The following RBFOX1 variants were observed in gnomAD, a reference collection of about 807,000 sequenced individuals.
The protein encoded by RBFOX1 is RNA binding fox-1 homolog 1.
In RBFOX1, 8 loss-of-function variants were observed where a neutral mutation model predicts 57.7. The observed-to-expected ratio is 0.14, with a 90% CI of 0.08 to 0.25. The LOEUF (loss-of-function observed/expected upper bound fraction) is 0.25. RBFOX1 is among the 10% of genes least tolerant of loss of function. The pLI is 1.00. For synonymous variants in RBFOX1, 326 were observed against 222.4 expected (o/e 1.47, Z -4.15); for missense variants, 611 against 548.5 (o/e 1.11, Z -1.14).
intron 3 of RBFOX1, among the ~76,000 whole-genome samples, chr16:6,924,109 C>T (rs566832797): frequency 6.6e-6 from 1 of 151,950 alleles, no homozygotes; most frequent in South Asian, 2.1e-4. Flanking sequence ...GTGGAGGTTG[C>T]AGTGAGCTGA....
At chr16:6,000,274 C>G (rs1203813445) in intron 4 of RBFOX1, among the ~76,000 whole-genome samples, 1 of 152,160 alleles carries the variant, frequency 6.6e-6, no homozygotes, top group African/African-American at 2.4e-5. Flanking sequence ...CCGTAGACTT[C>G]CTGAGTCTGG....
At chr16:7,641,473 C>G (rs2062780322) in intron 11 of RBFOX1, among the ~76,000 whole-genome samples, 2 of 152,154 alleles carry the variant, frequency 1.3e-5, no homozygotes, top group Admixed American at 1.3e-4. Flanking sequence ...GTTTCAGAAC[C>G]AAACACCACA....
intron 1 of RBFOX1, among the ~76,000 whole-genome samples, chr16:5,458,150 T>C (rs546804186): frequency 6.6e-6 from 1 of 152,358 alleles, no homozygotes; most frequent in South Asian, 2.1e-4. Context: ...ATTAAGTGAA[T>C]TAAATATTAA....
At chr16:6,146,482 G>C (rs1597772669) in intron 1 of RBFOX1, among the ~76,000 whole-genome samples, 1 of 152,036 alleles carries the variant, frequency 6.6e-6, no homozygotes, top group African/African-American at 2.4e-5. Context: ...GTAGATGCTG[G>C]TAAAACCCCC....
intron 1 of RBFOX1, among the ~76,000 whole-genome samples, chr16:5,400,738 T>G (rs2066692586): frequency 6.6e-6 from 1 of 152,158 alleles, no homozygotes; most frequent in Admixed American, 6.5e-5. Context: ...TTAAATTGCT[T>G]TTAAGGAAGA....
At chr16:5,875,780 C>T (rs1212943021) in intron 4 of RBFOX1, among the ~76,000 whole-genome samples, 1 of 151,726 alleles carries the variant, frequency 6.6e-6, no homozygotes, top group Non-Finnish European at 1.5e-5. Flanking sequence ...AATTTCTCTA[C>T]TTCTTTATTT....
At chr16:6,123,966 A>G (rs2096570106) in intron 1 of RBFOX1, among the ~76,000 whole-genome samples, 3 of 152,118 alleles carry the variant, frequency 2.0e-5, no homozygotes, top group South Asian at 2.1e-4. Flanking sequence ...ACAAGGAGAA[A>G]AGCATATACC....
At chr16:7,186,826 G>A (rs1056066532) in intron 4 of RBFOX1, among the ~76,000 whole-genome samples, 8 of 150,904 alleles carry the variant, frequency 5.3e-5, no homozygotes, top group African/African-American at 1.9e-4. Context: ...AATGTATTCA[G>A]TGTTTTGAAC....
intron 2 of RBFOX1, among the ~76,000 whole-genome samples, chr16:5,496,018 C>T (rs982608446): frequency 3.9e-5 from 6 of 152,050 alleles, no homozygotes; most frequent in African/African-American, 1.2e-4. Context: ...CCCAGCTACT[C>T]GGGAGGCTGA....
At chr16:7,219,684 C>T (rs1456219679) in intron 4 of RBFOX1, among the ~76,000 whole-genome samples, 2 of 152,126 alleles carry the variant, frequency 1.3e-5, no homozygotes, top group Non-Finnish European at 2.9e-5. Flanking sequence ...CGTATAGATC[C>T]CTGCTCTGAG....
At chr16:7,182,693 C>A (rs936725835) in intron 4 of RBFOX1, among the ~76,000 whole-genome samples, 6 of 151,426 alleles carry the variant, frequency 4.0e-5, no homozygotes, top group African/African-American at 1.5e-4. Flanking sequence ...GAAGCAAAGA[C>A]CAGGAAAGGG....
chr16:7,456,331 T>A (rs536583476), intron 4 of RBFOX1, among the ~76,000 whole-genome samples: 1 of 152,216 alleles, frequency 6.6e-6, no homozygotes, highest in Admixed American at 6.5e-5. Context: ...GGATTCTCAT[T>A]GTGAAGTGAA....
intron 15 of RBFOX1, chr16:7,709,431 C>A: frequency 7.5e-7 from 1 of 1,328,568 alleles, no homozygotes; most frequent in Non-Finnish European, 9.9e-7. Context: ...TAACAGAATG[C>A]AGTGTCAATG....
At chr16:6,831,351 C>G (rs113522847) in intron 3 of RBFOX1, among the ~76,000 whole-genome samples, 1 of 152,058 alleles carries the variant, frequency 6.6e-6, no homozygotes, top group Admixed American at 6.5e-5. Flanking sequence ...TTAGATGATA[C>G]GTATTTTCTA....
intron 3 of RBFOX1, among the ~76,000 whole-genome samples, chr16:6,783,885 C>T (rs12446504): frequency 0.27 from 41,412 of 151,958 alleles, 7,148 homozygotes; most frequent in Non-Finnish European, 0.39. Flanking sequence ...TACTTCTCCA[C>T]GTTTGAAGCA....
At chr16:7,419,848 T>A (rs1183552544) in intron 4 of RBFOX1, among the ~76,000 whole-genome samples, 2 of 152,142 alleles carry the variant, frequency 1.3e-5, no homozygotes, top group Non-Finnish European at 2.9e-5. Context: ...TCCTTTTTTT[T>A]CTTTTCTCCA....
At chr16:7,012,512 A>T (rs541405421) in intron 3 of RBFOX1, among the ~76,000 whole-genome samples, 8 of 152,334 alleles carry the variant, frequency 5.3e-5, no homozygotes, top group African/African-American at 1.9e-4. Flanking sequence ...CCTGGAACAG[A>T]CAGTGAGAAA....
At chr16:6,648,885 G>A (rs1029984863) in intron 2 of RBFOX1, among the ~76,000 whole-genome samples, 2 of 152,110 alleles carry the variant, frequency 1.3e-5, no homozygotes, top group Admixed American at 6.6e-5. Flanking sequence ...ATGATGTTTG[G>A]AATGTGTGTA....
chr16:6,728,779 C>G (rs4786114), intron 3 of RBFOX1, among the ~76,000 whole-genome samples: 138,785 of 152,212 alleles, frequency 0.91, 64,730 homozygotes, highest in East Asian at 1. Context: ...AGCCATTAAA[C>G]TAATTGTAGG....
Sources: allele counts gnomAD v4.1 joint callset (sites outside exome capture counted in the v4.1 genomes callset), GRCh38; gene constraint gnomAD v4.1.1; transcripts MANE v1.5; gene names NCBI Gene and HGNC (gene_info 2026-07-23, HGNC 2026-07-21).